EXOC2: variants seen among roughly 807,000 people sequenced by gnomAD.
EXOC2 encodes the protein SEC5-like 1.
Under a neutral mutation model 131.8 loss-of-function variants are expected in EXOC2, and 70 were observed. The observed-to-expected ratio is 0.53, with a 90% confidence interval of 0.44 to 0.65. The LOEUF (loss-of-function observed/expected upper bound fraction) is 0.65, where lower values mean the gene tolerates loss of function less well. Ranked by LOEUF, EXOC2 falls within the 30% of genes least tolerant of loss-of-function variation. The pLI, the probability that EXOC2 is intolerant of heterozygous loss-of-function variation, is 0.00. For synonymous variants in EXOC2, 411 were observed against 398.4 expected, an observed-to-expected ratio of 1.03 and a Z score of -0.38; for missense variants, 923 against 1,108.6, an observed-to-expected ratio of 0.83 and a Z score of 2.38.
intron 17 of EXOC2, among the ~76,000 whole-genome samples, chr6:558,254 T>C (rs979439078): frequency 6.6e-6 from 1 of 152,216 alleles, no homozygotes; most frequent in Non-Finnish European, 1.5e-5. Flanking sequence ...TTTAATGTCA[T>C]GTTATTTCTG....
intron 7 of EXOC2, among the ~76,000 whole-genome samples, chr6:608,373 T>C (rs1760535697): frequency 6.6e-6 from 1 of 152,216 alleles, no homozygotes; most frequent in Non-Finnish European, 1.5e-5. Context: ...GCAATCAACA[T>C]CATGTTGTTA....
rs1356307694 is a variant in EXOC2, at chr6:510,030, T to C, written c.2381-10330A>G. ...AACTGAAACACTACTGAAAAAACTT[T>C]GGTGTATTTTTTTCAAGTGAATTAT... On this transcript the variant is annotated intron_variant, in intron 23 of 27. Coordinates refer to ENST00000230449, the MANE Select transcript of EXOC2 (RefSeq NM_018303.6). Among the ~76,000 whole-genome samples, 5 of 152,180 alleles carry C rather than the reference T, an allele frequency of 3.3e-5. No individual in the cohort carries two copies. In the East Asian group the frequency reaches 5.8e-4, roughly 18 times the overall value.
chr6:529,646 G>A (rs985278580), intron 23 of EXOC2, among the ~76,000 whole-genome samples: 1 of 152,114 alleles, frequency 6.6e-6, no homozygotes, highest in East Asian at 1.9e-4. Flanking sequence ...ATTAAGATAA[G>A]CATGATTTCA....
chr6:579,858 G>A (rs1392085685), intron 11 of EXOC2, among the ~76,000 whole-genome samples: 2 of 151,276 alleles, frequency 1.3e-5, no homozygotes, highest in Non-Finnish European at 2.9e-5. Context: ...AATATGAACT[G>A]GTTTCATGAG....
At chr6:640,289 T>C (rs1186529790) in intron 1 of EXOC2, among the ~76,000 whole-genome samples, 1 of 152,126 alleles carries the variant, frequency 6.6e-6, no homozygotes, top group African/African-American at 2.4e-5. Context: ...CGGGGAGAGC[T>C]TGAGGCTGCT....
intron 4 of EXOC2, among the ~76,000 whole-genome samples, chr6:627,934 C>A (rs1761661998): frequency 6.6e-6 from 1 of 152,166 alleles, no homozygotes; most frequent in Non-Finnish European, 1.5e-5. Flanking sequence ...GATAAATGTA[C>A]ATAATGTTAT....
intron 20 of EXOC2, 72 bp from the exon 21 acceptor site, chr6:553,992 A>C: frequency 8.5e-7 from 1 of 1,176,032 alleles, no homozygotes. Flanking sequence ...AACTATACGC[A>C]AATTTAAACG....
intron 23 of EXOC2, among the ~76,000 whole-genome samples, chr6:514,563 C>T (rs1765030166): frequency 6.6e-6 from 1 of 152,214 alleles, no homozygotes; most frequent in African/African-American, 2.4e-5. Context: ...TCCCACTTTC[C>T]CATGCTCTGA....
chr6:635,845 G>C (rs564413439), intron 2 of EXOC2, among the ~76,000 whole-genome samples: 1 of 152,222 alleles, frequency 6.6e-6, no homozygotes. Flanking sequence ...GGCGGATCAC[G>C]AGGTCAAGAG....
chr6:592,428 C>T (rs1401424842), intron 11 of EXOC2, 41 bp downstream of exon 11: 3 of 1,512,920 alleles, frequency 2.0e-6, no homozygotes, highest in Admixed American at 3.4e-5. Context: ...ATCAAAATGA[C>T]ATGAAGGAAT....
At position 623,715 on chromosome 6, in the gene EXOC2, C is replaced by T. The variant is rs143543057; in HGVS notation, c.423-4172G>A. 1.7e-3 allele frequency among the ~76,000 whole-genome samples: 261 copies of T among 152,288 alleles called. 8 individuals carry two copies. In the East Asian group the frequency reaches 0.041, roughly 24 times the overall value. ...GATCAACCACCATAAGCCAACCGCG[C>T]TTGTCATATTCCCCCTGCTCTTGAT... On this transcript the variant is annotated intron_variant, in intron 4 of 27. Transcript: ENST00000230449.
In EXOC2 at chr6:549,164, A is replaced by C; in HGVS notation, c.2238+11T>G. ...ACCACCGACTTGTGCGTTTTACATG[A>C]ACTCGCTTACCTGTGTGATTTTTTC... On this transcript the variant is annotated intron_variant, in intron 22 of 27. Transcript: ENST00000230449. 6.2e-7 allele frequency: 1 copy of C among 1,607,326 alleles called. No individual in the cohort carries two copies. Among genetic ancestry groups the C allele is most frequent in the Non-Finnish European group, 8.5e-7 (1 of 1,173,858 alleles).
intron 19 of EXOC2, among the ~76,000 whole-genome samples, chr6:555,744 A>G (rs1757384515): frequency 6.6e-6 from 1 of 152,254 alleles, no homozygotes; most frequent in African/African-American, 2.4e-5. Context: ...AGCATAACAT[A>G]AATGAAACAT....
rs143038392 is a variant in EXOC2 at position 488,204 on chromosome 6, C to A, written c.2681+775G>T. ...CGTCGATGCCATGTGACAGCTCCCCCCCATGGCCCAGCCTATGTGATCTCT... is the reference window on the plus strand; with the variant it reads ...CGTCGATGCCATGTGACAGCTCCCCACCATGGCCCAGCCTATGTGATCTCT... On this transcript the variant is annotated intron_variant, in intron 27 of 27. Transcript: ENST00000230449. 1.6e-3 allele frequency among the ~76,000 whole-genome samples: 250 copies of A among 152,350 alleles called. 1 individual carries two copies. The highest frequency in any genetic ancestry group is 2.7e-3 in the Non-Finnish European group (187 of 68,040).
chr6:667,984 A>T (rs1479944538), intron 1 of EXOC2, among the ~76,000 whole-genome samples: 1 of 151,528 alleles, frequency 6.6e-6, no homozygotes, highest in Non-Finnish European at 1.5e-5. Context: ...TCAGCACTTT[A>T]TTTCACTCCA....
intron 1 of EXOC2, among the ~76,000 whole-genome samples, chr6:646,560 C>T (rs1211163061): frequency 6.6e-6 from 1 of 152,176 alleles, no homozygotes; most frequent in Non-Finnish European, 1.5e-5. Flanking sequence ...ATCCCATTAA[C>T]ATTAGCCTGC....
At chr6:663,532 T>A (rs926848475) in intron 1 of EXOC2, among the ~76,000 whole-genome samples, 12 of 152,002 alleles carry the variant, frequency 7.9e-5, no homozygotes, top group Admixed American at 2.0e-4. Context: ...GATGCTAAAA[T>A]CCTTAACAAA....
intron 11 of EXOC2, among the ~76,000 whole-genome samples, chr6:583,039 A>G (rs189434659): frequency 6.6e-5 from 10 of 152,232 alleles, no homozygotes; most frequent in Non-Finnish European, 1.3e-4. Context: ...TGAGAATCAT[A>G]TATTTGTAAT....
chr6:527,524 C>T (rs1765814273), intron 23 of EXOC2, among the ~76,000 whole-genome samples: 1 of 152,258 alleles, frequency 6.6e-6, no homozygotes, highest in South Asian at 2.1e-4. Flanking sequence ...ACTGCCTGGA[C>T]AACACACTTA....
Sources: gnomAD v4.1 joint callset for allele counts (sites outside exome capture counted in the v4.1 genomes callset) on GRCh38, gnomAD v4.1.1 for gene constraint, MANE v1.5 for transcripts, NCBI Gene and HGNC (gene_info 2026-07-23, HGNC 2026-07-21) for gene names.